The following ADAM23 variants were observed in gnomAD, a reference collection of about 807,000 sequenced individuals.
ADAM23 encodes the protein disintegrin and metalloproteinase domain-containing protein 23.
A neutral mutation model predicts 120.1 loss-of-function variants in ADAM23; 33 were observed. That is an observed-to-expected ratio of 0.27 (90% CI 0.21 to 0.37). ADAM23 has a LOEUF of 0.37. ADAM23 is among the 10% of genes least tolerant of loss of function. The probability of loss-of-function intolerance (pLI) is 1.00; values close to 1 mark genes in which losing one functional copy is unlikely to be tolerated. For missense variants in ADAM23, 862 were observed against 1,058.2 expected (o/e 0.81, Z 2.57); for synonymous variants, 367 against 375.2 (o/e 0.98, Z 0.25).
intron 14 of ADAM23, among the ~76,000 whole-genome samples, chr2:206,565,436 A>G (rs1559266962): frequency 6.6e-6 from 1 of 152,138 alleles, no homozygotes; most frequent in Non-Finnish European, 1.5e-5. Flanking sequence ...ATTTTAAGGA[A>G]CTCGTAAATA....
At chr2:206,610,295 C>G (rs756861227) in intron 25 of ADAM23, among the ~76,000 whole-genome samples, 1 of 152,134 alleles carries the variant, frequency 6.6e-6, no homozygotes, top group Non-Finnish European at 1.5e-5. Flanking sequence ...GAGATACATT[C>G]ATTTCTACAC....
intron 2 of ADAM23, among the ~76,000 whole-genome samples, chr2:206,453,204 GATTCT>G (rs1434743963): frequency 6.6e-6 from 1 of 152,166 alleles, no homozygotes; most frequent in African/African-American, 2.4e-5. Context: ...AATTTTGGAT[GATTCT>G]ATTCATTTCT....
intron 3 of ADAM23, among the ~76,000 whole-genome samples, chr2:206,494,929 G>A (rs887511967): frequency 1.9e-4 from 29 of 152,138 alleles, no homozygotes; most frequent in Admixed American, 7.2e-4. Context: ...GAAATGAAGC[G>A]TGAAGAGAAG....
chr2:206,615,035 G>A (rs560734827), intron 25 of ADAM23, among the ~76,000 whole-genome samples: 13 of 152,252 alleles, frequency 8.5e-5, no homozygotes, highest in African/African-American at 2.9e-4. Flanking sequence ...GGGACACTTC[G>A]TCAGGGGGTG....
At position 206,542,094 on chromosome 2, in the gene ADAM23, A is replaced by AT; in HGVS notation, c.616_617insT (p.Lys206IlefsTer18). The AT allele has an allele frequency of 6.2e-7, 1 of 1,614,226 alleles. No individual in the cohort carries two copies. Among genetic ancestry groups the AT allele is most frequent in the Non-Finnish European group, 8.5e-7 (1 of 1,180,018 alleles). On this transcript the variant is annotated frameshift_variant, in exon 5 of 26. Transcript: ENST00000264377. LOFTEE classifies it high-confidence loss of function. Reference sequence around the variant, plus strand: ...CTACCATGGAAGCATCAGAGGCGTCAAAGACTCCAAGGTGGCTCTGTCAAC... The same window carrying AT: ...CTACCATGGAAGCATCAGAGGCGTCATAAGACTCCAAGGTGGCTCTGTCAAC...
At position 206,543,118 on chromosome 2, in the gene ADAM23, A is replaced by C. The variant is rs1697326497; in HGVS notation, c.657-135A>C. The C allele has an allele frequency of 1.1e-5, 8 of 734,968 alleles. No individual in the cohort carries two copies. The South Asian group carries it at 1.5e-4, about 13-fold the overall frequency. The allele number at this position is 734,968 out of a possible 1,614,324, so 45.5% of individuals were successfully genotyped here. ...GGACTCCATGCAGATATGTGAATTA[A>C]ACTTGTGACAGTGTAAAGGGATTTG... On this transcript the variant is annotated intron_variant, in intron 5 of 25. Coordinates refer to ENST00000264377, the MANE Select transcript of ADAM23 (RefSeq NM_003812.4).
intron 4 of ADAM23, among the ~76,000 whole-genome samples, chr2:206,539,532 G>A (rs1321763338): frequency 2.0e-5 from 3 of 152,160 alleles, no homozygotes; most frequent in East Asian, 1.9e-4. Context: ...AGAGCCTTTT[G>A]CACTTTGTTT....
At chr2:206,525,380 T>C (rs1233780640) in intron 3 of ADAM23, among the ~76,000 whole-genome samples, 3 of 152,208 alleles carry the variant, frequency 2.0e-5, no homozygotes, top group Non-Finnish European at 4.4e-5. Context: ...TCAACCACTT[T>C]TTACAATGAA....
chr2:206,591,369 A>G (rs745805641), intron 21 of ADAM23, among the ~76,000 whole-genome samples: 32 of 152,116 alleles, frequency 2.1e-4, no homozygotes, highest in Non-Finnish European at 4.0e-4. Flanking sequence ...TTAGAGTTTT[A>G]CTGCCTGTTT....
At chr2:206,540,940 C>T (rs1467719010) in intron 4 of ADAM23, among the ~76,000 whole-genome samples, 1 of 147,196 alleles carries the variant, frequency 6.8e-6, no homozygotes, top group Non-Finnish European at 1.5e-5. Flanking sequence ...TTATAAAATT[C>T]TTTTATAAAT....
chr2:206,483,563 G>A (rs1695941546), intron 3 of ADAM23, among the ~76,000 whole-genome samples: 1 of 152,056 alleles, frequency 6.6e-6, no homozygotes, highest in African/African-American at 2.4e-5. Flanking sequence ...GGGGAGAAGA[G>A]GAGGCACCCA....
At chr2:206,510,540 C>CAT (rs1696602543) in intron 3 of ADAM23, among the ~76,000 whole-genome samples, 1 of 152,154 alleles carries the variant, frequency 6.6e-6, no homozygotes, top group Non-Finnish European at 1.5e-5. Flanking sequence ...TAACTGGGCC[C>CAT]ATCATGGGTC....
At chr2:206,507,609 A>G (rs1302010747) in intron 3 of ADAM23, among the ~76,000 whole-genome samples, 1 of 152,228 alleles carries the variant, frequency 6.6e-6, no homozygotes, top group Non-Finnish European at 1.5e-5. Context: ...GTATTTCTTT[A>G]TAGCAATGCG....
intron 3 of ADAM23, among the ~76,000 whole-genome samples, chr2:206,486,982 TG>T (rs1696027001): frequency 6.6e-6 from 1 of 152,220 alleles, no homozygotes; most frequent in African/African-American, 2.4e-5. Flanking sequence ...CAGCCTTTTG[TG>T]ACTGACCTCT....
chr2:206,508,190 C>A (rs571477588), intron 3 of ADAM23, among the ~76,000 whole-genome samples: 1 of 152,092 alleles, frequency 6.6e-6, no homozygotes, highest in Non-Finnish European at 1.5e-5. Context: ...CCACCACGCC[C>A]AGCTAATTTT....
intron 2 of ADAM23, among the ~76,000 whole-genome samples, chr2:206,477,921 T>TATATATATATATATATATATATATAA (rs1695816932): frequency 7.3e-6 from 1 of 136,568 alleles, no homozygotes; most frequent in African/African-American, 2.7e-5. Flanking sequence ...TATATATATA[T>TATATATATATATATATATATATATAA]AAAACAACAA....
intron 6 of ADAM23, among the ~76,000 whole-genome samples, chr2:206,546,164 C>G (rs2105810297): frequency 6.6e-6 from 1 of 152,252 alleles, no homozygotes; most frequent in South Asian, 2.1e-4. Flanking sequence ...TTCCTGTTGC[C>G]TACCTTTTGG....
In ADAM23 at chr2:206,592,707, C is replaced by A. The variant is rs759225192; in HGVS notation, c.2049C>A (p.Phe683Leu). 3.1e-6 allele frequency: 5 copies of A among 1,613,908 alleles called. No individual in the cohort carries two copies. Among genetic ancestry groups the A allele is most frequent in the Middle Eastern group, 1.6e-4 (1 of 6,084 alleles). Residue 683 changes from phenylalanine to leucine, a missense_variant, in exon 22 of 26, where the codon TTC (phenylalanine) becomes TTA (leucine). Phe to Leu is a conservative substitution (Grantham distance 22). Transcript: ENST00000264377. ...AGGGTGAGATCATTCCAACTTCCTT[C>A]TACCATCAAGGCCGGGTGATTGACT... ...QLQGEIIPTS[F>L]YHQGRVIDCS...
At chr2:206,505,509 C>G (rs1382662294) in intron 3 of ADAM23, among the ~76,000 whole-genome samples, 1 of 152,080 alleles carries the variant, frequency 6.6e-6, no homozygotes, top group Non-Finnish European at 1.5e-5. Flanking sequence ...CCTCAGGAAA[C>G]TTACAGTCAT....
Sources: gnomAD v4.1 joint callset for allele counts (sites outside exome capture counted in the v4.1 genomes callset) on GRCh38, gnomAD v4.1.1 for gene constraint, MANE v1.5 for transcripts, NCBI Gene and HGNC (gene_info 2026-07-23, HGNC 2026-07-21) for gene names.